Variants in PLXNA4 observed in about 807,000 individuals in gnomAD.
The protein encoded by PLXNA4 is plexin-A4.
Under a neutral mutation model 191.8 loss-of-function variants are expected in PLXNA4, and 44 were observed. The observed-to-expected ratio is 0.23, with a 90% CI of 0.18 to 0.29. The LOEUF is 0.29. Ranked by LOEUF, PLXNA4 falls within the 10% of genes least tolerant of loss-of-function variation. The pLI is 1.00. For synonymous variants in PLXNA4, 1,082 were observed against 1,009.5 expected, an observed-to-expected ratio of 1.07 and a Z score of -1.36; for missense variants, 1,800 against 2,488.8, an observed-to-expected ratio of 0.72 and a Z score of 5.89.
intron 4 of PLXNA4, among the ~76,000 whole-genome samples, chr7:132,283,161 G>A (rs1311501020): frequency 3.3e-5 from 5 of 151,924 alleles, no homozygotes; most frequent in East Asian, 1.9e-4. Flanking sequence ...ATGAGCCACC[G>A]TGCCCAGCTA....
intron 3 of PLXNA4, among the ~76,000 whole-genome samples, chr7:132,358,829 G>A (rs1184429778): frequency 6.6e-6 from 1 of 152,202 alleles, no homozygotes; most frequent in African/African-American, 2.4e-5. Flanking sequence ...GGCTTGCTCA[G>A]GACAGAGCAG....
chr7:132,330,133 G>T (rs1802534253), intron 3 of PLXNA4, among the ~76,000 whole-genome samples: 1 of 152,182 alleles, frequency 6.6e-6, no homozygotes, highest in African/African-American at 2.4e-5. Context: ...ACGGAAGAGA[G>T]AGGGAACAGA....
intron 15 of PLXNA4, among the ~76,000 whole-genome samples, chr7:132,185,900 G>C (rs1796864230): frequency 6.6e-6 from 1 of 152,158 alleles, no homozygotes; most frequent in Non-Finnish European, 1.5e-5. Context: ...TAAACCCCCT[G>C]CTGTCTTTGT....
intron 4 of PLXNA4, among the ~76,000 whole-genome samples, chr7:132,283,679 T>C (rs66600282): frequency 0.2 from 30,429 of 152,178 alleles, 3,954 homozygotes; most frequent in South Asian, 0.43. Flanking sequence ...CCAGGAGAGC[T>C]GGGAAAAGAT....
rs1230743150 is a variant in PLXNA4 at position 132,576,350 on chromosome 7, G to A, written c.-87+72C>T. On this transcript the variant is annotated intron_variant, in intron 1 of 31. Transcript: ENST00000321063. The surrounding 1 kb of genome is among the most constrained non-coding windows in gnomAD (Gnocchi z 5.8). ...CCGGGACACTGAGGACTCCCGGGTC[G>A]GCCCAGGTCTGTCCGACCTTGCTGC... The A allele has an allele frequency of 2.0e-5, 20 of 980,860 alleles. No homozygotes were observed. The highest frequency in any genetic ancestry group is 1.7e-5 in the Non-Finnish European group (14 of 825,640). The allele number at this position is 980,860 out of a possible 1,614,324, so 60.8% of individuals were successfully genotyped here.
intron 9 of PLXNA4, among the ~76,000 whole-genome samples, chr7:132,216,963 T>C (rs1267152043): frequency 6.6e-6 from 1 of 152,214 alleles, no homozygotes; most frequent in Non-Finnish European, 1.5e-5. Flanking sequence ...GACACATGCA[T>C]GCCAAAAGAA....
At chr7:132,627,267 A>G (rs1290691394) in intron 2 of PLXNA4, among the ~76,000 whole-genome samples, 1 of 152,166 alleles carries the variant, frequency 6.6e-6, no homozygotes, top group Non-Finnish European at 1.5e-5. Flanking sequence ...TTTCAGTTTT[A>G]GATACCTGTC....
chr7:132,508,088 C>T lies in PLXNA4; in HGVS notation c.606G>A (p.Arg202=), dbSNP rs1220517681. 2.5e-6 allele frequency: 4 copies of T among 1,614,196 alleles called. No homozygotes were observed. The highest frequency in any genetic ancestry group is 3.4e-6 in the Non-Finnish European group (4 of 1,180,044). The change falls in exon 2 of 32, where the codon CGG becomes CGA. Residue 202 remains arginine, a synonymous_variant. Transcript: ENST00000321063. The surrounding 1 kb of genome is among the most constrained non-coding windows in gnomAD (Gnocchi z 4.4). ...KPEYFPTISS[R]KLTKNSEADG... is the part of the protein sequence containing the mutation. ...CCGCCTCAGAGTTCTTGGTCAGTTTCCGGCTGGAGATGGTGGGAAAATACT... is the reference window on the plus strand; with the variant it reads ...CCGCCTCAGAGTTCTTGGTCAGTTTTCGGCTGGAGATGGTGGGAAAATACT...
chr7:132,486,164 T>C (rs1480257909), intron 3 of PLXNA4, among the ~76,000 whole-genome samples: 1 of 152,208 alleles, frequency 6.6e-6, no homozygotes, highest in African/African-American at 2.4e-5. Flanking sequence ...TAATTATGGC[T>C]ACAGTATGAT....
chr7:132,631,541 C>T (rs139648489), intron 2 of PLXNA4, among the ~76,000 whole-genome samples: 1 of 152,280 alleles, frequency 6.6e-6, no homozygotes, highest in East Asian at 1.9e-4. Flanking sequence ...AACACATTGA[C>T]TAGTGAGTGT....
chr7:132,348,786 A>G (rs576501021), intron 3 of PLXNA4, among the ~76,000 whole-genome samples: 22 of 152,340 alleles, frequency 1.4e-4, no homozygotes, highest in Admixed American at 1.3e-3. Flanking sequence ...GAGTGCAGAG[A>G]ATCACTCTGG....
intron 3 of PLXNA4, among the ~76,000 whole-genome samples, chr7:132,345,009 A>G (rs576808138): frequency 5.3e-5 from 8 of 152,206 alleles, no homozygotes; most frequent in Admixed American, 3.9e-4. Context: ...ATTTTCCCCA[A>G]CAGCCTAGGT....
chr7:132,490,149 CTG>C (rs1797732107), intron 2 of PLXNA4, among the ~76,000 whole-genome samples: 1 of 152,242 alleles, frequency 6.6e-6, no homozygotes, highest in Non-Finnish European at 1.5e-5. Flanking sequence ...CTCAGGCTCC[CTG>C]TGTCTTTTAG....
intron 3 of PLXNA4, among the ~76,000 whole-genome samples, chr7:132,351,798 G>A (rs1487635413): frequency 6.6e-6 from 1 of 152,052 alleles, no homozygotes; most frequent in Non-Finnish European, 1.5e-5. Context: ...GGGAAGATGC[G>A]CCCACCTCCT....
intron 9 of PLXNA4, among the ~76,000 whole-genome samples, chr7:132,212,265 G>T (rs751406): frequency 6.6e-6 from 1 of 152,084 alleles, no homozygotes; most frequent in African/African-American, 2.4e-5. Context: ...TTCTCACCCC[G>T]CACCTTAACA....
intron 3 of PLXNA4, among the ~76,000 whole-genome samples, chr7:132,466,446 T>C (rs1363007826): frequency 6.6e-6 from 1 of 152,234 alleles, no homozygotes; most frequent in African/African-American, 2.4e-5. Flanking sequence ...TTAGCAACGA[T>C]AAGCATATCT....
intron 3 of PLXNA4, among the ~76,000 whole-genome samples, chr7:132,456,258 C>T (rs1339884775): frequency 6.6e-6 from 1 of 151,922 alleles, no homozygotes; most frequent in Non-Finnish European, 1.5e-5. Context: ...ACTACAGGTG[C>T]CCACCACCAT....
chr7:132,220,640 G>T (rs541025942), intron 9 of PLXNA4, among the ~76,000 whole-genome samples: 4 of 151,410 alleles, frequency 2.6e-5, no homozygotes, highest in Non-Finnish European at 4.4e-5. Context: ...TCCTTTCTCC[G>T]GGGCCCTGGC....
chr7:132,570,391 G>A (rs1473589392), intron 1 of PLXNA4, among the ~76,000 whole-genome samples: 2 of 152,120 alleles, frequency 1.3e-5, no homozygotes, highest in African/African-American at 2.4e-5. Context: ...CCACAAGAAC[G>A]GAAGCAATCC....
Sources: allele counts gnomAD v4.1 joint callset (sites outside exome capture counted in the v4.1 genomes callset), GRCh38; gene constraint gnomAD v4.1.1; non-coding constraint Gnocchi (gnomAD v3.1); transcripts MANE v1.5; gene names NCBI Gene and HGNC (gene_info 2026-07-23, HGNC 2026-07-21).